The following SRGAP3 variants were observed in gnomAD, a reference collection of about 807,000 sequenced individuals.
The protein encoded by SRGAP3 is SLIT-ROBO Rho GTPase-activating protein 3.
SRGAP3 carries 39 observed loss-of-function variants against 121.1 expected under a neutral mutation model. That is an observed-to-expected ratio of 0.32 (90% CI 0.25 to 0.42). SRGAP3 has a LOEUF of 0.42. Ranked by LOEUF, SRGAP3 falls within the 10% of genes least tolerant of loss-of-function variation. The pLI, the probability that SRGAP3 is intolerant of heterozygous loss-of-function variation, is 1.00. For synonymous variants in SRGAP3, 601 were observed against 570.0 expected (o/e 1.05, Z -0.77); for missense variants, 1,213 against 1,470.6 (o/e 0.82, Z 2.86).
intron 4 of SRGAP3, among the ~76,000 whole-genome samples, chr3:9,073,312 T>G (rs1199328586): frequency 6.6e-6 from 1 of 152,030 alleles, no homozygotes; most frequent in Non-Finnish European, 1.5e-5. Flanking sequence ...CCTTGCTAAT[T>G]TTTTGTATTT....
chr3:9,028,497 T>C (rs1389173137), intron 12 of SRGAP3, among the ~76,000 whole-genome samples: 2 of 152,224 alleles, frequency 1.3e-5, no homozygotes, highest in African/African-American at 2.4e-5. Flanking sequence ...GGACTGTTTA[T>C]GCACCCATGG....
At chr3:9,028,122 C>T in intron 12 of SRGAP3, 1 of 1,614,174 alleles carries the variant, frequency 6.2e-7, no homozygotes, top group Non-Finnish European at 8.5e-7. Flanking sequence ...TCGAGCATTT[C>T]TTCTTCCTCT....
intron 3 of SRGAP3, among the ~76,000 whole-genome samples, chr3:9,259,694 C>T (rs962014281): frequency 6.6e-6 from 1 of 152,206 alleles, no homozygotes; most frequent in Admixed American, 6.5e-5. Flanking sequence ...GAATATTCTG[C>T]ATCGGTGAAA....
Position 8,985,312 on chromosome 3 carries a change from G to T in SRGAP3, c.*207C>A. On this transcript the variant is annotated 3_prime_UTR_variant, in exon 22 of 22. Transcript: ENST00000383836. This position sits in a 1 kb window ranked among gnomAD's most constrained non-coding sequence, Gnocchi z 5.1. Reference sequence around the variant, plus strand: ...AGCTCCAGCACTCCTCTGGTCGTCTGTTGACACGCGAGAGGTCCGTGGGAT... The same window carrying T: ...AGCTCCAGCACTCCTCTGGTCGTCTTTTGACACGCGAGAGGTCCGTGGGAT... 1 of 1,152,750 alleles carries T rather than the reference G, an allele frequency of 8.7e-7. No individual in the cohort carries two copies. Among genetic ancestry groups the T allele is most frequent in the Non-Finnish European group, 1.2e-6 (1 of 855,786 alleles). 71.4% of individuals were successfully genotyped at this position (1,152,750 alleles called of 1,614,324 possible).
At chr3:9,057,949 G>A (rs962850023) in intron 7 of SRGAP3, among the ~76,000 whole-genome samples, 2 of 152,144 alleles carry the variant, frequency 1.3e-5, no homozygotes, top group Non-Finnish European at 2.9e-5. Flanking sequence ...GACCTCACCC[G>A]CACATGTGGG....
intron 3 of SRGAP3, among the ~76,000 whole-genome samples, chr3:9,277,549 A>C (rs1337025220): frequency 3.4e-5 from 5 of 144,932 alleles, no homozygotes; most frequent in African/African-American, 1.3e-4. Flanking sequence ...CGGAGGTTGC[A>C]GTGAACCGAG....
chr3:9,044,488 G>A (rs186078884), intron 10 of SRGAP3, among the ~76,000 whole-genome samples: 3 of 152,248 alleles, frequency 2.0e-5, no homozygotes, highest in East Asian at 3.9e-4. Context: ...TCAGAACAGC[G>A]AGAAATTTAA....
intron 18 of SRGAP3, among the ~76,000 whole-genome samples, chr3:8,995,772 G>A (rs542133318): frequency 1.3e-5 from 2 of 152,294 alleles, no homozygotes; most frequent in African/African-American, 4.8e-5. Context: ...GTGTCCATAT[G>A]TGGTAGAAAA....
chr3:9,054,080 CA>C (rs1945708238), intron 8 of SRGAP3, among the ~76,000 whole-genome samples: 1 of 152,222 alleles, frequency 6.6e-6, no homozygotes, highest in Non-Finnish European at 1.5e-5. Flanking sequence ...TAATATTTTC[CA>C]AGCTCATTCA....
chr3:9,035,704 T>G (rs928900147), intron 11 of SRGAP3: 3 of 168,584 alleles, frequency 1.8e-5, no homozygotes. Flanking sequence ...GTCCCCTTTC[T>G]GCCTTTTAAT....
rs199842831 is a variant in SRGAP3 at position 9,027,161 on chromosome 3, TAGAG to T, written c.1540-170_1540-167del. 4.3e-3 allele frequency among the ~76,000 whole-genome samples: 656 copies of T among 152,304 alleles called. 3 individuals carry two copies. The highest frequency in any genetic ancestry group is 0.015 in the African/African-American group (623 of 41,566). ...CTAAAGTCTCCACGGACAGTTACAA[TAGAG>T]AGTCTTCAACTGTATGCACAAAAAG... On this transcript the variant is annotated intron_variant, in intron 12 of 21. Coordinates refer to ENST00000383836, the MANE Select transcript of SRGAP3 (RefSeq NM_014850.4).
At chr3:9,272,023 A>G (rs2324763) in intron 3 of SRGAP3, among the ~76,000 whole-genome samples, 12,341 of 152,244 alleles carry the variant, frequency 0.081, 621 homozygotes, top group Admixed American at 0.14. Flanking sequence ...AAACAGATGA[A>G]TGTCCAAAAC....
intron 1 of SRGAP3, among the ~76,000 whole-genome samples, chr3:9,126,553 C>T (rs749546930): frequency 3.9e-5 from 6 of 152,094 alleles, no homozygotes; most frequent in Non-Finnish European, 8.8e-5. Context: ...TCACTTGAAC[C>T]CAGAAGGTGG....
chr3:9,032,388 C>T (rs897773828), intron 12 of SRGAP3, among the ~76,000 whole-genome samples: 5 of 152,200 alleles, frequency 3.3e-5, no homozygotes, highest in African/African-American at 9.7e-5. Flanking sequence ...TTCAGCCATA[C>T]TTGGACTTCC....
chr3:9,231,896 A>C (rs1026011545), intron 1 of SRGAP3, among the ~76,000 whole-genome samples: 5 of 152,224 alleles, frequency 3.3e-5, no homozygotes, highest in African/African-American at 1.2e-4. Flanking sequence ...AGAATGAAGA[A>C]TGCAGACGTG....
intron 1 of SRGAP3, among the ~76,000 whole-genome samples, chr3:9,160,958 AAATG>A (rs1950581587): frequency 6.6e-6 from 1 of 152,224 alleles, no homozygotes; most frequent in African/African-American, 2.4e-5. Flanking sequence ...ATAAATGAAT[AAATG>A]AAAGAATAAA....
Position 9,308,832 on chromosome 3 carries a change from C to T in SRGAP3, n.442+17178G>A, listed in dbSNP as rs575161215. On this transcript the variant is annotated intron_variant and non_coding_transcript_variant, in intron 3 of 3. Coordinates refer to the SRGAP3 transcript ENST00000490889. ...AACATTCTTGACCTGGCCTCTCCTCCACCCCATCCCAACCCCACAGCCCAT... is the reference window on the plus strand; with the variant it reads ...AACATTCTTGACCTGGCCTCTCCTCTACCCCATCCCAACCCCACAGCCCAT... Among the ~76,000 whole-genome samples the T allele has an allele frequency of 6.6e-5, 10 of 152,258 alleles. No homozygotes were observed. The South Asian group carries it at 2.1e-3, about 32-fold the overall frequency.
At chr3:9,341,299 T>G (rs891414588) in intron 1 of SRGAP3, among the ~76,000 whole-genome samples, 1 of 152,150 alleles carries the variant, frequency 6.6e-6, no homozygotes, top group African/African-American at 2.4e-5. Flanking sequence ...CTAGAACAGT[T>G]GCCTGATTAT....
chr3:9,188,898 A>G (rs1951675895), intron 1 of SRGAP3, among the ~76,000 whole-genome samples: 1 of 152,204 alleles, frequency 6.6e-6, no homozygotes, highest in South Asian at 2.1e-4. Flanking sequence ...TTCTCTTTAC[A>G]TTATTAAAGA....
Sources: allele counts gnomAD v4.1 joint callset (sites outside exome capture counted in the v4.1 genomes callset), GRCh38; gene constraint gnomAD v4.1.1; non-coding constraint Gnocchi (gnomAD v3.1); transcripts MANE v1.5; gene names NCBI Gene and HGNC (gene_info 2026-07-23, HGNC 2026-07-21).